The following SPDYE16 variants were observed in gnomAD, a reference collection of about 807,000 sequenced individuals.
The protein encoded by SPDYE16 is speedy/RINGO cell cycle regulator family member E16.
A neutral mutation model predicts 40.1 loss-of-function variants in SPDYE16; 5 were observed. The ratio of observed to expected loss-of-function variants is 0.12; its 90% CI spans 0.07 to 0.26. The LOEUF is 0.26. SPDYE16 is among the 10% of genes least tolerant of loss of function. The pLI is 1.00. For missense variants in SPDYE16, 98 were observed against 409.8 expected, an observed-to-expected ratio of 0.24 and a Z score of 6.57; for synonymous variants, 40 against 154.2, an observed-to-expected ratio of 0.26 and a Z score of 5.49.
Position 76,534,449 on chromosome 7 carries a change from G to A in SPDYE16, c.756-330C>T, listed in dbSNP as rs1314870411. 1.0e-4 allele frequency among the ~76,000 whole-genome samples: 9 copies of A among 86,744 alleles called. 3 individuals carry two copies. The highest frequency in any genetic ancestry group is 5.0e-4 in the African/African-American group (8 of 16,010). 56.9% of individuals were successfully genotyped at this position (86,744 alleles called of 152,430 possible). A position where few individuals can be genotyped will look rare whatever the true frequency, so the allele number is the denominator to read the frequency against. ...GCCTGGGCAACATAGCAAGACCCTC[G>A]TCTCTATTAAAAATATAAGAAATAT... is the stretch of plus-strand genomic sequence containing the variant. On this transcript the variant is annotated intron_variant, in intron 6 of 8. Transcript: ENST00000633306.
At chr7:76,540,628 T>C (rs1813153331) in intron 2 of SPDYE16, 1 of 962,172 alleles carries the variant, frequency 1.0e-6, no homozygotes, top group Admixed American at 4.0e-5. Flanking sequence ...CACAGAATCT[T>C]GCTTTGTCAC....
chr7:76,540,641 A>T, intron 2 of SPDYE16: 1 of 844,766 alleles, frequency 1.2e-6, no homozygotes. Flanking sequence ...TTTGTCACCC[A>T]GGCTGGAGTG....
intron 2 of SPDYE16, among the ~76,000 whole-genome samples, chr7:76,540,906 T>C (rs1457521770): frequency 6.9e-6 from 1 of 144,864 alleles, no homozygotes; most frequent in Non-Finnish European, 1.5e-5. Flanking sequence ...CCTGAATTTC[T>C]CCATTCTTCC....
chr7:76,540,864 C>T, intron 2 of SPDYE16, among the ~76,000 whole-genome samples: 1 of 145,930 alleles, frequency 6.9e-6, no homozygotes, highest in Non-Finnish European at 1.5e-5. Flanking sequence ...TCCCAAAGTT[C>T]TGGGGTTACA....
chr7:76,537,092 A>G (rs1448141452), intron 5 of SPDYE16, among the ~76,000 whole-genome samples: 1 of 47,368 alleles, frequency 2.1e-5, no homozygotes, highest in Non-Finnish European at 4.2e-5. Flanking sequence ...GACGTCTATA[A>G]TCTCAGCACT....
rs1203843688 is a variant in SPDYE16, at chr7:76,541,308, C to T, written c.152G>A (p.Gly51Glu). The change falls in exon 2 of 9, where the codon GGA becomes GAA. Residue 51 changes from glycine (G) to glutamate (E), a missense_variant. Gly to Glu is a moderately conservative substitution (Grantham distance 98). Coordinates refer to ENST00000633306, the MANE Select transcript of SPDYE16 (RefSeq NM_001394943.1). ...LQEVVDDEVL[G>E]SSAPGVDPSP... is the part of the protein sequence containing the mutation. ...TCCACCAGTCCCCTCACCTGATGATCCCAACACTTCATCATCCACCACCTC... is the reference window on the plus strand; with the variant it reads ...TCCACCAGTCCCCTCACCTGATGATTCCAACACTTCATCATCCACCACCTC... 55 of 1,534,472 alleles carry T rather than the reference C, an allele frequency of 3.6e-5. No homozygotes were observed. The highest frequency in any genetic ancestry group is 4.2e-5 in the Non-Finnish European group (48 of 1,146,640).
At chr7:76,539,436 C>T (rs1813118471) in intron 3 of SPDYE16, among the ~76,000 whole-genome samples, 1 of 92,314 alleles carries the variant, frequency 1.1e-5, no homozygotes, top group Admixed American at 1.1e-4. Context: ...CTTCTGGGCC[C>T]GCCCTTCCTT....
At chr7:76,540,817 C>CA (rs904006198) in intron 2 of SPDYE16, among the ~76,000 whole-genome samples, 1 of 137,298 alleles carries the variant, frequency 7.3e-6, no homozygotes, top group African/African-American at 3.1e-5. Context: ...AGGCTGGTCT[C>CA]AAACTCCTGG....
intron 4 of SPDYE16, 119 bp downstream of exon 4, chr7:76,538,467 C>T (rs564745964): frequency 0.012 from 7,909 of 670,202 alleles, 455 homozygotes; most frequent in Non-Finnish European, 0.016. Context: ...TCACATTCCT[C>T]CCACATGGAG....
rs1813172068 is a variant in SPDYE16, at chr7:76,541,175, C to T, written c.160+125G>A. 6 of 1,406,720 alleles carry T rather than the reference C, an allele frequency of 4.3e-6. No homozygotes were observed. In the Admixed American group the frequency reaches 1.2e-4, roughly 28 times the overall value. 87.1% of individuals were successfully genotyped at this position (1,406,720 alleles called of 1,614,324 possible). On this transcript the variant is annotated intron_variant, in intron 2 of 8. Transcript: ENST00000633306. ...GCCAGGCTGGCCTTGAACTCCTGAC[C>T]TCAGGTGATCCGCCCGCCTCAGCCT...
chr7:76,541,190 C>CA lies in SPDYE16; in HGVS notation c.160+109_160+110insT, dbSNP rs1813172778. On this transcript the variant is annotated intron_variant, in intron 2 of 8. Coordinates refer to ENST00000633306, the MANE Select transcript of SPDYE16 (RefSeq NM_001394943.1). ...AACTCCTGACCTCAGGTGATCCGCC[C>CA]GCCTCAGCCTCCCAAAGTGCTGGGG... 5.1e-5 allele frequency: 73 copies of CA among 1,445,010 alleles called. 3 individuals are homozygous for CA. In the South Asian group the frequency reaches 9.4e-4, roughly 19 times the overall value. The allele number at this position is 1,445,010 out of a possible 1,614,324, so 89.5% of individuals were successfully genotyped here. A position where few individuals can be genotyped will look rare whatever the true frequency, so the allele number is the denominator to read the frequency against.
intron 5 of SPDYE16, among the ~76,000 whole-genome samples, 183 bp downstream of exon 5, chr7:76,537,309 GC>G (rs1813057338): frequency 2.2e-5 from 1 of 45,876 alleles, no homozygotes; most frequent in African/African-American, 1.2e-4. Context: ...TCGAGACACT[GC>G]CCTCCAGCCT....
intron 6 of SPDYE16, among the ~76,000 whole-genome samples, chr7:76,534,550 G>A (rs1266402551): frequency 1.1e-5 from 1 of 94,496 alleles, no homozygotes; most frequent in African/African-American, 5.2e-5. Flanking sequence ...GAGACCAGGA[G>A]TTGGAGACCA....
chr7:76,541,251 T>G lies in SPDYE16; in HGVS notation c.160+49A>C, dbSNP rs1813174728. On this transcript the variant is annotated intron_variant, in intron 2 of 8. Coordinates refer to ENST00000633306, the MANE Select transcript of SPDYE16 (RefSeq NM_001394943.1). Reference sequence around the variant, plus strand: ...GAGCCACCGCACCTGGCCCCCTTCCTTCGTCTTAGTCAATCCTATCCCACC... The same window carrying G: ...GAGCCACCGCACCTGGCCCCCTTCCGTCGTCTTAGTCAATCCTATCCCACC... 3.3e-6 allele frequency: 5 copies of G among 1,517,410 alleles called. No homozygotes were observed. The East Asian group carries it at 1.2e-4, about 37-fold the overall frequency. The allele number at this position is 1,517,410 out of a possible 1,614,324, so 94.0% of individuals were successfully genotyped here.
chr7:76,535,947 G>A (rs1813033952), intron 6 of SPDYE16, among the ~76,000 whole-genome samples: 1 of 82,974 alleles, frequency 1.2e-5, no homozygotes, highest in African/African-American at 6.7e-5. Context: ...CAGGTGATCT[G>A]CCTGCCTCGG....
At chr7:76,542,675 C>T in intron 1 of SPDYE16, among the ~76,000 whole-genome samples, 3 of 144,318 alleles carry the variant, frequency 2.1e-5, no homozygotes, top group Admixed American at 7.1e-5. Flanking sequence ...TGGCTGGCAC[C>T]TGTGTTCCAA....
In SPDYE16 at chr7:76,541,288, C is replaced by G; in HGVS notation, c.160+12G>C. The G allele has an allele frequency of 1.3e-6, 2 of 1,533,722 alleles. No homozygotes were observed. Among genetic ancestry groups the G allele is most frequent in the Admixed American group, 2.0e-5 (1 of 50,908 alleles). On this transcript the variant is annotated intron_variant, in intron 2 of 8. Transcript: ENST00000633306. ...AATCCTATCCCACCTCTTCTTCCAC[C>G]AGTCCCCTCACCTGATGATCCCAAC...
At chr7:76,541,156 C>G in intron 2 of SPDYE16, 144 bp downstream of exon 2, 1 of 1,244,462 alleles carries the variant, frequency 8.0e-7, no homozygotes, top group Non-Finnish European at 1.1e-6. Flanking sequence ...ATTGGCCAGG[C>G]TGGCCTTGAA....
At chr7:76,542,074 G>A (rs1326225279) in intron 1 of SPDYE16, among the ~76,000 whole-genome samples, 194 bp from the exon 2 acceptor site, 2 of 152,148 alleles carry the variant, frequency 1.3e-5, no homozygotes, top group Non-Finnish European at 2.9e-5. Flanking sequence ...ATGTACAAGA[G>A]TGAGATTATC....
Sources: allele counts gnomAD v4.1 joint callset (sites outside exome capture counted in the v4.1 genomes callset), GRCh38; gene constraint gnomAD v4.1.1; transcripts MANE v1.5; gene names NCBI Gene and HGNC (gene_info 2026-07-23, HGNC 2026-07-21).